PCDHGA4: variants seen among roughly 807,000 people sequenced by gnomAD.
The protein encoded by PCDHGA4 is protocadherin gamma subfamily A, 4.
A neutral mutation model predicts 54.6 loss-of-function variants in PCDHGA4; 38 were observed. The ratio of observed to expected loss-of-function variants is 0.70; its 90% CI spans 0.54 to 0.91. The LOEUF (loss-of-function observed/expected upper bound fraction) is 0.91, where lower values mean the gene tolerates loss of function less well. Ranked by LOEUF, PCDHGA4 falls within the 40% of genes least tolerant of loss-of-function variation. PCDHGA4 has a pLI of 0.00. For missense variants in PCDHGA4, 1,298 were observed against 1,220.9 expected, an observed-to-expected ratio of 1.06 and a Z score of -0.94; for synonymous variants, 511 against 512.9, an observed-to-expected ratio of 1.00 and a Z score of 0.05.
intron 1 of PCDHGA4, chr5:141,415,045 G>C: frequency 6.2e-7 from 1 of 1,613,538 alleles, no homozygotes; most frequent in Non-Finnish European, 8.5e-7. Flanking sequence ...CTTCGCGGTG[G>C]GGGAGCACAC....
intron 1 of PCDHGA4, among the ~76,000 whole-genome samples, chr5:141,433,974 C>A (rs1045247496): frequency 6.6e-6 from 1 of 152,026 alleles, no homozygotes; most frequent in Non-Finnish European, 1.5e-5. Context: ...GGCTTTCTAC[C>A]TTGAAGAAGA....
At chr5:141,413,389 T>C (rs370906684) in intron 1 of PCDHGA4, 1 of 1,613,986 alleles carries the variant, frequency 6.2e-7, no homozygotes, top group South Asian at 1.1e-5. Context: ...CCGCATAGTC[T>C]CCAGAGGTAG....
intron 1 of PCDHGA4, chr5:141,362,169 C>T (rs1762357316): frequency 6.2e-7 from 1 of 1,614,046 alleles, no homozygotes; most frequent in Non-Finnish European, 8.5e-7. Flanking sequence ...TCAGCGACCG[C>T]CGGGAGCCCT....
chr5:141,399,321 T>C (rs1356696829), intron 1 of PCDHGA4: 2 of 1,613,978 alleles, frequency 1.2e-6, no homozygotes, highest in Admixed American at 1.7e-5. Context: ...AAAATTCGTA[T>C]AAGTTGGTAA....
chr5:141,467,710 G>A (rs1284029664), intron 1 of PCDHGA4, among the ~76,000 whole-genome samples: 1 of 152,122 alleles, frequency 6.6e-6, no homozygotes, highest in Non-Finnish European at 1.5e-5. Context: ...TGCCCAGGCT[G>A]GAGTGTAGTG....
intron 1 of PCDHGA4, chr5:141,409,193 T>C (rs1268258873): frequency 2.5e-6 from 4 of 1,613,870 alleles, no homozygotes; most frequent in Admixed American, 1.7e-5. Flanking sequence ...CTCTACCCAG[T>C]GTAAAGTAAT....
Position 141,383,159 on chromosome 5 carries a change from CG to C in PCDHGA4, c.2514+25541del, listed in dbSNP as rs546342817. ...CAGCGCAGCGGCAGCTTGGTCACTG[CG>C]GGCAGGATAGACCGGGAAGAGATCT... On this transcript the variant is annotated intron_variant, in intron 1 of 3. Transcript: ENST00000571252. 2.4e-4 allele frequency: 391 copies of C among 1,614,104 alleles called. 5 individuals are homozygous for C. In the South Asian group the frequency reaches 3.9e-3, roughly 16 times the overall value.
chr5:141,399,199 C>T (rs2093768918), intron 1 of PCDHGA4: 8 of 1,613,876 alleles, frequency 5.0e-6, no homozygotes, highest in Non-Finnish European at 6.8e-6. Flanking sequence ...AAACGCGGTG[C>T]CTGGAACACT....
rs1028782991 is a variant in PCDHGA4, at chr5:141,503,926, C to T, written c.2574-1467C>T. 2.6e-5 allele frequency among the ~76,000 whole-genome samples: 4 copies of T among 152,196 alleles called. No individual in the cohort carries two copies. The East Asian group carries it at 7.7e-4, about 29-fold the overall frequency. ...ACACACAACGCAACACACACACAGA[C>T]ATTTTCATGCCTTCAAGGCCTACCC... On this transcript the variant is annotated intron_variant, in intron 2 of 3. Coordinates refer to ENST00000571252, the MANE Select transcript of PCDHGA4 (RefSeq NM_018917.4).
chr5:141,408,958 T>A, intron 1 of PCDHGA4: 8 of 1,613,670 alleles, frequency 5.0e-6, no homozygotes, highest in Non-Finnish European at 6.8e-6. Flanking sequence ...TTAGTCTTAG[T>A]GAAAATCTGC....
At chr5:141,375,606 A>G (rs1187736346) in intron 1 of PCDHGA4, 3 of 1,613,806 alleles carry the variant, frequency 1.9e-6, no homozygotes, top group South Asian at 1.1e-5. Context: ...GTGTCCATCA[A>G]CTCCGACACT....
In PCDHGA4 at chr5:141,476,533, A is replaced by G; in HGVS notation, c.2515-18274A>G. 6.2e-7 allele frequency: 1 copy of G among 1,614,184 alleles called. No individual in the cohort carries two copies. Among genetic ancestry groups the G allele is most frequent in the Non-Finnish European group, 8.5e-7 (1 of 1,180,022 alleles). On this transcript the variant is annotated intron_variant, in intron 1 of 3. Transcript: ENST00000571252. The surrounding 1 kb of genome is among the most constrained non-coding windows in gnomAD (Gnocchi z 7.6). ...ACAATCCTGCTTTCCCTACCCAGGA[A>G]ATGAAATTGGAGATTAGCGAGGCCG...
chr5:141,478,387 C>T, intron 1 of PCDHGA4: 1 of 1,613,642 alleles, frequency 6.2e-7, no homozygotes, highest in Non-Finnish European at 8.5e-7. Context: ...CGCACCTTTA[C>T]CATCAGGTGT....
chr5:141,407,958 A>G lies in PCDHGA4; in HGVS notation c.2514+50337A>G, dbSNP rs1018466165. On this transcript the variant is annotated intron_variant, in intron 1 of 3. Transcript: ENST00000571252. ...TGGGCGCCGCTGTCGGCCAGTGCAG[A>G]GCAAGCGCTGACGCCGGGGATCCGT... 5 of 660,632 alleles carry G rather than the reference A, an allele frequency of 7.6e-6. No homozygotes were observed. In the South Asian group the frequency reaches 1.2e-4, roughly 15 times the overall value. 40.9% of individuals were successfully genotyped at this position (660,632 alleles called of 1,614,324 possible).
At chr5:141,434,978 C>G (rs1287204052) in intron 1 of PCDHGA4, among the ~76,000 whole-genome samples, 2 of 151,700 alleles carry the variant, frequency 1.3e-5, no homozygotes, top group Non-Finnish European at 2.9e-5. Flanking sequence ...TTTGTTAATA[C>G]TCTATATCAT....
chr5:141,507,525 A>T (rs1053801558), intron 3 of PCDHGA4, among the ~76,000 whole-genome samples: 1 of 152,000 alleles, frequency 6.6e-6, no homozygotes, highest in Non-Finnish European at 1.5e-5. Context: ...ATGATTCCAG[A>T]GAGGCCAGAG....
intron 1 of PCDHGA4, among the ~76,000 whole-genome samples, chr5:141,402,646 G>A (rs2094289569): frequency 6.6e-6 from 1 of 152,198 alleles, no homozygotes; most frequent in South Asian, 2.1e-4. Context: ...ATCATAATTA[G>A]AAGAGAGTAG....
At chr5:141,370,600 T>G in intron 1 of PCDHGA4, 1 of 1,613,984 alleles carries the variant, frequency 6.2e-7, no homozygotes, top group Non-Finnish European at 8.5e-7. Context: ...CTGCGGGTTA[T>G]TGCAGAGAAG....
In PCDHGA4 at chr5:141,366,067, T is replaced by C. The variant is rs11750908; in HGVS notation, c.2514+8446T>C. 6.6e-3 allele frequency: 10,611 copies of C among 1,614,204 alleles called. 55 individuals carry two copies. Among genetic ancestry groups the C allele is most frequent in the Non-Finnish European group, 7.8e-3 (9,251 of 1,180,030 alleles). On this transcript the variant is annotated intron_variant, in intron 1 of 3. Coordinates refer to ENST00000571252, the MANE Select transcript of PCDHGA4 (RefSeq NM_018917.4). ...GTTCCACGGGCGTGGAGCTGGCGCCTCGCTCCGCAGAACCTGGCTACCTGG... is the reference window on the plus strand; with the variant it reads ...GTTCCACGGGCGTGGAGCTGGCGCCCCGCTCCGCAGAACCTGGCTACCTGG...
Sources: allele counts gnomAD v4.1 joint callset (sites outside exome capture counted in the v4.1 genomes callset), GRCh38; gene constraint gnomAD v4.1.1; non-coding constraint Gnocchi (gnomAD v3.1); transcripts MANE v1.5; gene names NCBI Gene and HGNC (gene_info 2026-07-23, HGNC 2026-07-21).